The following KLRF1 variants were observed in gnomAD, a reference collection of about 807,000 sequenced individuals.
The protein encoded by KLRF1 is killer cell lectin like receptor F1.
KLRF1 carries 27 observed loss-of-function variants against 30.7 expected under a neutral mutation model. The observed-to-expected ratio is 0.88, with a 90% CI of 0.65 to 1.21. The LOEUF (loss-of-function observed/expected upper bound fraction) is 1.21, where lower values mean the gene tolerates loss of function less well. KLRF1 is among the 50% of genes most tolerant of loss of function. The pLI is 0.00. For missense variants in KLRF1, 246 were observed against 259.3 expected (o/e 0.95, Z 0.35); for synonymous variants, 92 against 89.3 (o/e 1.03, Z -0.17).
intron 3 of KLRF1, among the ~76,000 whole-genome samples, chr12:9,838,805 T>G (rs896244271): frequency 1.3e-5 from 2 of 152,182 alleles, no homozygotes; most frequent in African/African-American, 2.4e-5. Context: ...GGATAATTGC[T>G]TTAATGAATG....
At chr12:9,834,115 T>G (rs2121212372) in intron 3 of KLRF1, among the ~76,000 whole-genome samples, 1 of 148,086 alleles carries the variant, frequency 6.8e-6, no homozygotes, top group African/African-American at 2.6e-5. Context: ...GGGAGCTTTT[T>G]GAGCCACGAT....
chr12:9,836,516 TTTTAAG>T (rs1867581726), intron 3 of KLRF1, among the ~76,000 whole-genome samples: 1 of 152,132 alleles, frequency 6.6e-6, no homozygotes, highest in South Asian at 2.1e-4. Flanking sequence ...TATTCTTTAC[TTTTAAG>T]TTTAACTTTT....
At position 9,833,416 on chromosome 12, in the gene KLRF1, A is replaced by G. The variant is rs368988575; in HGVS notation, c.298A>G (p.Lys100Glu). 3.7e-6 allele frequency: 6 copies of G among 1,611,644 alleles called. No homozygotes were observed. The highest frequency in any genetic ancestry group is 1.6e-4 in the Middle Eastern group (1 of 6,064). The change falls in exon 3 of 6, where the codon AAG becomes GAG. Residue 100 changes from lysine (K) to glutamate (E), a missense_variant. Coordinates refer to ENST00000617889, the MANE Select transcript of KLRF1 (RefSeq NM_016523.3). ...NNGTRRNISN[K>E]DLCASRSADQ... Reference sequence around the variant, plus strand: ...TGGCACAAGAAGAAATATAAGTAATAAGGACCTTTGTGCTTCGAGATCTGC... The same window carrying G: ...TGGCACAAGAAGAAATATAAGTAATGAGGACCTTTGTGCTTCGAGATCTGC...
At chr12:9,836,680 A>G (rs1462895697) in intron 3 of KLRF1, among the ~76,000 whole-genome samples, 2 of 152,068 alleles carry the variant, frequency 1.3e-5, no homozygotes, top group Non-Finnish European at 2.9e-5. Context: ...AAAATTTTAT[A>G]TATTTTATGT....
At chr12:9,821,478 C>T in the KLRF1 span, among the ~76,000 whole-genome samples, 1 of 152,168 alleles carries the variant, frequency 6.6e-6, no homozygotes, top group Non-Finnish European at 1.5e-5. Context: ...ACTTCCCCTG[C>T]TCATCACCAA....
chr12:9,805,080 A>AT, the KLRF1 span, among the ~76,000 whole-genome samples: 24 of 151,680 alleles, frequency 1.6e-4, no homozygotes, highest in Admixed American at 3.3e-4. Context: ...TTTTCTTGTA[A>AT]TTTTTTAACA....
the KLRF1 span, among the ~76,000 whole-genome samples, chr12:9,816,955 G>T: frequency 1.3e-5 from 2 of 151,408 alleles, no homozygotes; most frequent in African/African-American, 2.4e-5. Flanking sequence ...GGGTGGTCTC[G>T]ATCTGCTGAC....
At chr12:9,810,694 G>T in the KLRF1 span, among the ~76,000 whole-genome samples, 1 of 152,172 alleles carries the variant, frequency 6.6e-6, no homozygotes, top group Non-Finnish European at 1.5e-5. Flanking sequence ...TAACAAGCTT[G>T]CAAAAGTGTT....
chr12:9,841,091 A>G (rs1867691244), intron 3 of KLRF1, among the ~76,000 whole-genome samples: 1 of 152,174 alleles, frequency 6.6e-6, no homozygotes, highest in South Asian at 2.1e-4. Flanking sequence ...AATGTGGTAC[A>G]TATACCATAC....
the KLRF1 span, among the ~76,000 whole-genome samples, chr12:9,812,785 T>A: frequency 6.6e-6 from 1 of 152,200 alleles, no homozygotes; most frequent in East Asian, 1.9e-4. Context: ...GAATTGCCTA[T>A]GATGTGGGAA....
upstream of KLRF1, among the ~76,000 whole-genome samples, chr12:9,822,973 T>C (rs1867243966): frequency 6.6e-6 from 1 of 152,042 alleles, no homozygotes; most frequent in Admixed American, 6.6e-5. Context: ...ATAAAGCAAG[T>C]TCTTAGCTAC....
At position 9,844,695 on chromosome 12, in the gene KLRF1, A is replaced by G; in HGVS notation, c.*169A>G. On this transcript the variant is annotated 3_prime_UTR_variant, in exon 6 of 6. Coordinates refer to ENST00000617889, the MANE Select transcript of KLRF1 (RefSeq NM_016523.3). ...GTCTAGCCTCAGAGTAACCCCTGTTAACAAACTAAAATGTACACTTCAAAA... is the reference window on the plus strand; with the variant it reads ...GTCTAGCCTCAGAGTAACCCCTGTTGACAAACTAAAATGTACACTTCAAAA... 2.1e-6 allele frequency: 1 copy of G among 483,682 alleles called. No individual in the cohort carries two copies. Among genetic ancestry groups the G allele is most frequent in the Non-Finnish European group, 3.7e-6 (1 of 267,482 alleles). 30.0% of individuals were successfully genotyped at this position (483,682 alleles called of 1,614,324 possible).
At chr12:9,825,032 G>A (rs1202875907), upstream of KLRF1, among the ~76,000 whole-genome samples, 1 of 152,056 alleles carries the variant, frequency 6.6e-6, no homozygotes, top group Non-Finnish European at 1.5e-5. Context: ...TCATTAAAAT[G>A]GTCATATTGC....
At chr12:9,802,145 A>G in the KLRF1 span, among the ~76,000 whole-genome samples, 1 of 152,088 alleles carries the variant, frequency 6.6e-6, no homozygotes, top group South Asian at 2.1e-4. Flanking sequence ...CATCACAATC[A>G]AGTTGGCTTC....
At chr12:9,821,298 A>T in the KLRF1 span, among the ~76,000 whole-genome samples, 2 of 151,784 alleles carry the variant, frequency 1.3e-5, no homozygotes, top group African/African-American at 2.4e-5. Context: ...CAGACATGAG[A>T]CCCCCAGGGG....
intron 3 of KLRF1, among the ~76,000 whole-genome samples, chr12:9,838,419 C>G (rs1024790122): frequency 6.6e-6 from 1 of 152,014 alleles, no homozygotes; most frequent in Non-Finnish European, 1.5e-5. Flanking sequence ...AAAATTGGCC[C>G]CATTTTGCTA....
At chr12:9,812,338 C>G in the KLRF1 span, among the ~76,000 whole-genome samples, 2 of 144,244 alleles carry the variant, frequency 1.4e-5, no homozygotes, top group African/African-American at 5.1e-5. Context: ...GCACTCCAGC[C>G]TGGGCGACAG....
At chr12:9,822,515 C>T (rs142655702), upstream of KLRF1, among the ~76,000 whole-genome samples, 6 of 152,242 alleles carry the variant, frequency 3.9e-5, no homozygotes, top group Middle Eastern at 3.4e-3. Flanking sequence ...TATGTAAAGG[C>T]GCCAAATCTA....
Position 9,842,271 on chromosome 12 carries a change from T to A in KLRF1, c.475-50T>A, listed in dbSNP as rs1359697380. The A allele has an allele frequency of 2.5e-6, 4 of 1,598,386 alleles. No individual in the cohort carries two copies. In the East Asian group the frequency reaches 9.0e-5, roughly 36 times the overall value. On this transcript the variant is annotated intron_variant, in intron 4 of 5. Coordinates refer to ENST00000617889, the MANE Select transcript of KLRF1 (RefSeq NM_016523.3). Reference sequence around the variant, plus strand: ...AATAACATTTAAAATATTCAGTGTGTCTGAATTGCTAAAATATTTTGTTCA... The same window carrying A: ...AATAACATTTAAAATATTCAGTGTGACTGAATTGCTAAAATATTTTGTTCA...
Sources: gnomAD v4.1 joint callset for allele counts (sites outside exome capture counted in the v4.1 genomes callset) on GRCh38, gnomAD v4.1.1 for gene constraint, MANE v1.5 for transcripts, NCBI Gene and HGNC (gene_info 2026-07-23, HGNC 2026-07-21) for gene names.